The following GBP7 variants were observed in gnomAD, a reference collection of about 807,000 sequenced individuals.
The protein encoded by GBP7 is guanylate binding protein 7, also known as guanylate-binding protein 7.
In GBP7, 43 loss-of-function variants were observed where a neutral mutation model predicts 61.3. The observed-to-expected ratio is 0.70, with a 90% CI of 0.55 to 0.91. The LOEUF is 0.91. GBP7 is among the 40% of genes least tolerant of loss of function. The probability of loss-of-function intolerance (pLI) is 0.00; values close to 1 mark genes in which losing one functional copy is unlikely to be tolerated. For missense variants in GBP7, 717 were observed against 740.5 expected (o/e 0.97, Z 0.37); for synonymous variants, 267 against 271.0 (o/e 0.99, Z 0.14).
chr1:89,152,362 A>C lies in GBP7; in HGVS notation c.531T>G (p.Ile177Met). The change falls in exon 5 of 11, where the codon ATT becomes ATG. Residue 177 changes from isoleucine (I) to methionine (M), a missense_variant. Around this residue, in one of 3 missense-constraint regions of GBP7, gnomAD observed 387 missense variants for 385.2 expected, o/e 1.00. Coordinates refer to ENST00000294671, the MANE Select transcript of GBP7 (RefSeq NM_207398.3). ...CCAGGGTAAAATCTCGAACAGTCCA[A>C]ATAAAGTCTGGAAAGAAACTCACAA... is the stretch of plus-strand genomic sequence containing the variant. ...SEFVSFFPDFIWTVRDFTLEL... is the reference protein window; with the variant it reads ...SEFVSFFPDFMWTVRDFTLEL... The C allele has an allele frequency of 6.2e-7, 1 of 1,614,104 alleles. No individual in the cohort carries two copies. The highest frequency in any genetic ancestry group is 8.5e-7 in the Non-Finnish European group (1 of 1,180,008).
At chr1:89,163,711 A>G (rs1449412467) in intron 3 of GBP7, among the ~76,000 whole-genome samples, 1 of 152,168 alleles carries the variant, frequency 6.6e-6, no homozygotes, top group African/African-American at 2.4e-5. Flanking sequence ...GAATTAGCCA[A>G]TTTGCAAATT....
intron 3 of GBP7, among the ~76,000 whole-genome samples, chr1:89,154,872 TTGAGATC>T (rs1264461237): frequency 6.6e-6 from 1 of 151,998 alleles, no homozygotes; most frequent in Non-Finnish European, 1.5e-5. Context: ...AGCACAGAGT[TTGAGATC>T]TGAGAATGGA....
intron 5 of GBP7, among the ~76,000 whole-genome samples, chr1:89,152,066 T>C (rs1468991598): frequency 6.6e-6 from 1 of 152,212 alleles, no homozygotes; most frequent in Non-Finnish European, 1.5e-5. Flanking sequence ...TTAAATTTCC[T>C]CAATGAATTT....
chr1:89,141,710 A>C (rs1466703860), intron 8 of GBP7, 62 bp from the exon 9 acceptor site: 1 of 1,290,868 alleles, frequency 7.7e-7, no homozygotes, highest in East Asian at 2.3e-5. Context: ...TGTGATGAGG[A>C]AATTATTGTT....
chr1:89,156,132 A>C (rs1277093463), intron 3 of GBP7, among the ~76,000 whole-genome samples: 1 of 152,188 alleles, frequency 6.6e-6, no homozygotes, highest in Non-Finnish European at 1.5e-5. Context: ...TAAATAAAAT[A>C]CTTTACAGAC....
At chr1:89,148,849 A>T (rs1334604330) in intron 7 of GBP7, among the ~76,000 whole-genome samples, 2 of 152,204 alleles carry the variant, frequency 1.3e-5, no homozygotes, top group African/African-American at 4.8e-5. Flanking sequence ...AATAAAAAAA[A>T]ATTCTATATG....
At chr1:89,150,941 T>G (rs1682183210) in intron 5 of GBP7, among the ~76,000 whole-genome samples, 1 of 152,202 alleles carries the variant, frequency 6.6e-6, no homozygotes, top group African/African-American at 2.4e-5. Context: ...CTTTAAAAAT[T>G]GTATATATTT....
At chr1:89,147,903 G>C (rs1463857108) in intron 7 of GBP7, 124 bp from the exon 8 acceptor site, 8 of 912,840 alleles carry the variant, frequency 8.8e-6, no homozygotes, top group Non-Finnish European at 1.2e-5. Context: ...TGTAGACTAA[G>C]AGTCAGAAGA....
At chr1:89,157,498 A>G (rs541137078) in intron 3 of GBP7, among the ~76,000 whole-genome samples, 2 of 152,072 alleles carry the variant, frequency 1.3e-5, no homozygotes, top group Non-Finnish European at 2.9e-5. Flanking sequence ...AATCAAATAG[A>G]TGCAATAAAA....
At chr1:89,174,071 AG>A (rs1303482528) in intron 1 of GBP7, among the ~76,000 whole-genome samples, 1 of 152,230 alleles carries the variant, frequency 6.6e-6, no homozygotes, top group Admixed American at 6.5e-5. Context: ...GTTCATAGAA[AG>A]CTTTTAAAAT....
At chr1:89,166,202 G>A (rs772409496) in intron 2 of GBP7, among the ~76,000 whole-genome samples, 44 of 152,230 alleles carry the variant, frequency 2.9e-4, no homozygotes, top group Non-Finnish European at 3.7e-4. Context: ...AAATTAGAGA[G>A]AGGGCTGATA....
At chr1:89,165,216 A>G (rs573661152) in intron 2 of GBP7, among the ~76,000 whole-genome samples, 2 of 152,310 alleles carry the variant, frequency 1.3e-5, no homozygotes, top group South Asian at 4.1e-4. Flanking sequence ...AGAAGTCAGA[A>G]GTGGGCTGGG....
chr1:89,133,451 G>C lies in GBP7; in HGVS notation c.1469C>G (p.Ala490Gly). ...AGCTGCCTCCTTCTTAGCCTGCTTA[G>C]CTGTTCCACCGAGGTTTTACAGAGG... ...ALTAGEKAIAAKQAKKEAAEK... is the reference protein window; with the variant it reads ...ALTAGEKAIAGKQAKKEAAEK... The change falls in exon 10 of 11, where the codon GCT becomes GGT. Residue 490 changes from alanine to glycine, a missense_variant and splice_region_variant. Around this residue, in one of 3 missense-constraint regions of GBP7, gnomAD observed 312 missense variants for 310.1 expected, o/e 1.01. Coordinates refer to ENST00000294671, the MANE Select transcript of GBP7 (RefSeq NM_207398.3). The C allele has an allele frequency of 6.2e-7, 1 of 1,613,538 alleles. No homozygotes were observed. The highest frequency in any genetic ancestry group is 8.5e-7 in the Non-Finnish European group (1 of 1,179,776).
intron 9 of GBP7, among the ~76,000 whole-genome samples, chr1:89,134,604 GAAA>G (rs57740811): frequency 0.7 from 99,990 of 143,642 alleles, 34,458 homozygotes; most frequent in Middle Eastern, 0.71. Flanking sequence ...AAATCATCCA[GAAA>G]AAAAAAAAAA....
intron 3 of GBP7, among the ~76,000 whole-genome samples, chr1:89,162,109 A>G (rs530446887): frequency 6.8e-6 from 1 of 146,948 alleles, no homozygotes; most frequent in African/African-American, 2.5e-5. Context: ...ATTCTGGGTT[A>G]TCTGTTCTGT....
At chr1:89,146,168 T>G (rs1239746979) in intron 8 of GBP7, among the ~76,000 whole-genome samples, 1 of 152,050 alleles carries the variant, frequency 6.6e-6, no homozygotes, top group African/African-American at 2.4e-5. Flanking sequence ...AGTCAAAGAC[T>G]TTTCAAAAAA....
intron 2 of GBP7, among the ~76,000 whole-genome samples, chr1:89,168,237 A>G (rs555144598): frequency 2.6e-5 from 4 of 151,902 alleles, no homozygotes; most frequent in Admixed American, 1.3e-4. Context: ...TCCTAAGGAG[A>G]AAAAAAAGGA....
In GBP7 at chr1:89,139,914, C is replaced by T. The variant is rs549015580; in HGVS notation, c.1468+1632G>A. Among the ~76,000 whole-genome samples, 13 of 152,222 alleles carry T rather than the reference C, an allele frequency of 8.5e-5. No homozygotes were observed. In the South Asian group the frequency reaches 2.7e-3, roughly 32 times the overall value. On this transcript the variant is annotated intron_variant, in intron 9 of 10. Transcript: ENST00000294671. Reference sequence around the variant, plus strand: ...CCTCAGAGATCTAGAACTAGAAATACCATTTGACCCAGCCATCCCATTACT... The same window carrying T: ...CCTCAGAGATCTAGAACTAGAAATATCATTTGACCCAGCCATCCCATTACT...
intron 1 of GBP7, among the ~76,000 whole-genome samples, chr1:89,172,970 G>C (rs185299870): frequency 1.6e-4 from 24 of 151,994 alleles, no homozygotes; most frequent in African/African-American, 5.8e-4. Flanking sequence ...TTTATTCTGA[G>C]GGTTTCAATA....
Sources: gnomAD v4.1 joint callset for allele counts (sites outside exome capture counted in the v4.1 genomes callset) on GRCh38, gnomAD v4.1.1 for gene constraint, gnomAD v4.1.1 regional missense constraint, MANE v1.5 for transcripts, NCBI Gene and HGNC (gene_info 2026-07-23, HGNC 2026-07-21) for gene names.